KATNAL2: variants seen among roughly 807,000 people sequenced by gnomAD.
The protein encoded by KATNAL2 is katanin p60 ATPase-containing subunit A-like 2.
A neutral mutation model predicts 76.3 loss-of-function variants in KATNAL2; 52 were observed. The ratio of observed to expected loss-of-function variants is 0.68; its 90% CI spans 0.55 to 0.86. KATNAL2 has a LOEUF of 0.86. KATNAL2 is among the 40% of genes least tolerant of loss of function. The probability of loss-of-function intolerance (pLI) is 0.00; values close to 1 mark genes in which losing one functional copy is unlikely to be tolerated. For synonymous variants in KATNAL2, 243 were observed against 244.2 expected, an observed-to-expected ratio of 1.00 and a Z score of 0.05; for missense variants, 660 against 668.9, an observed-to-expected ratio of 0.99 and a Z score of 0.15.
At chr18:46,927,287 C>CA (rs1247260500) in intron 1 of KATNAL2, among the ~76,000 whole-genome samples, 1 of 152,080 alleles carries the variant, frequency 6.6e-6, no homozygotes, top group Non-Finnish European at 1.5e-5. Flanking sequence ...CTCGTGGTGA[C>CA]AAAATCTCTC....
chr18:47,062,746 A>T (rs540043926), intron 8 of KATNAL2, among the ~76,000 whole-genome samples: 33 of 152,370 alleles, frequency 2.2e-4, no homozygotes, highest in Non-Finnish European at 4.1e-4. Flanking sequence ...ATGAATTTTT[A>T]TTCAAATCCA....
intron 3 of KATNAL2, among the ~76,000 whole-genome samples, chr18:46,952,393 G>GTTTTTTTTTT (rs35596537): frequency 4.7e-5 from 3 of 64,408 alleles, no homozygotes; most frequent in Admixed American, 2.6e-4. Flanking sequence ...CTGCAGGTAT[G>GTTTTTTTTTT]TTTTTTTTTT....
chr18:46,941,434 C>T (rs924361320), intron 1 of KATNAL2, among the ~76,000 whole-genome samples: 8 of 152,024 alleles, frequency 5.3e-5, no homozygotes, highest in Admixed American at 5.2e-4. Context: ...AATTGGTTTT[C>T]TCCAACTAAA....
At chr18:47,033,192 G>A in intron 3 of KATNAL2, 3 of 1,614,082 alleles carry the variant, frequency 1.9e-6, no homozygotes, top group Non-Finnish European at 2.5e-6. Flanking sequence ...TGCCACCGCC[G>A]CTGCTGCTCT....
At chr18:47,046,289 A>G in intron 3 of KATNAL2, 168 bp from the exon 4 acceptor site, 1 of 582,472 alleles carries the variant, frequency 1.7e-6, no homozygotes, top group East Asian at 2.8e-5. Context: ...TGAGAAGAAA[A>G]TAACAATGGA....
At chr18:47,087,552 G>T (rs1250179186) in intron 15 of KATNAL2, among the ~76,000 whole-genome samples, 2 of 152,146 alleles carry the variant, frequency 1.3e-5, no homozygotes, top group African/African-American at 4.8e-5. Flanking sequence ...CTTGAGGGTG[G>T]AGGGTGGGAG....
chr18:46,938,156 A>G (rs2059146438), intron 1 of KATNAL2, among the ~76,000 whole-genome samples: 1 of 152,196 alleles, frequency 6.6e-6, no homozygotes, highest in Non-Finnish European at 1.5e-5. Flanking sequence ...AGCTACATAT[A>G]AAAACATGGG....
intron 1 of KATNAL2, among the ~76,000 whole-genome samples, chr18:46,938,524 A>T (rs1158970812): frequency 6.6e-6 from 1 of 152,212 alleles, no homozygotes; most frequent in Non-Finnish European, 1.5e-5. Flanking sequence ...AAGATATTTT[A>T]TAACAAAATA....
At chr18:46,937,929 T>G (rs2059140127) in intron 1 of KATNAL2, among the ~76,000 whole-genome samples, 1 of 151,768 alleles carries the variant, frequency 6.6e-6, no homozygotes, top group Admixed American at 6.6e-5. Flanking sequence ...CATAGGGAGA[T>G]CTCCCTTCAT....
chr18:47,059,067 A>G (rs2061553051), intron 7 of KATNAL2, among the ~76,000 whole-genome samples: 1 of 152,324 alleles, frequency 6.6e-6, no homozygotes, highest in East Asian at 1.9e-4. Context: ...TATAATCACA[A>G]TATCCGATTG....
At chr18:47,066,848 TATATATATA>T (rs1468977073) in intron 10 of KATNAL2, among the ~76,000 whole-genome samples, 164 bp from the exon 11 acceptor site, 420 of 14,894 alleles carry the variant, frequency 0.028, 21 homozygotes, top group African/African-American at 0.063. Flanking sequence ...TATATGTGTT[TATATATATA>T]TATATATATA....
intron 3 of KATNAL2, among the ~76,000 whole-genome samples, chr18:46,947,849 G>A (rs998626363): frequency 6.6e-6 from 1 of 152,116 alleles, no homozygotes; most frequent in Non-Finnish European, 1.5e-5. Flanking sequence ...CCATCTTCTA[G>A]AAAAGGTTGG....
chr18:47,097,137 A>G (rs1297509112), intron 15 of KATNAL2, among the ~76,000 whole-genome samples: 2 of 151,890 alleles, frequency 1.3e-5, no homozygotes, highest in Non-Finnish European at 2.9e-5. Flanking sequence ...AAAAAAAAAA[A>G]AAATCCAACT....
chr18:47,066,200 AC>A (rs2147173459), intron 10 of KATNAL2, among the ~76,000 whole-genome samples: 1 of 152,122 alleles, frequency 6.6e-6, no homozygotes, highest in South Asian at 2.1e-4. Context: ...ACTCAGAATG[AC>A]TTTGGAAAGA....
chr18:46,947,588 G>C (rs2059420358), intron 3 of KATNAL2, among the ~76,000 whole-genome samples: 1 of 151,814 alleles, frequency 6.6e-6, no homozygotes. Flanking sequence ...GGGGGCGGGG[G>C]GAAGGAAAAA....
At position 47,075,368 on chromosome 18, in the gene KATNAL2, G is replaced by A. The variant is rs1020218084; in HGVS notation, c.1100G>A (p.Gly367Glu). ...ATGAGTCAGAGAGGCACAGCTTCTG[G>A]GTAACAGACAGGGTTGGGGTTTTTG... is the stretch of plus-strand genomic sequence containing the variant. ...SVMSQRGTAS[G>E]GEHEGSLRMK... The change falls in exon 14 of 18, where the codon GGG becomes GAG. Residue 367 changes from glycine (G) to glutamate (E), a missense_variant and splice_region_variant. By Grantham distance (98) the Gly-to-Glu change is moderately conservative (BLOSUM62 -2). Transcript: ENST00000683218. 4 of 1,524,468 alleles carry A rather than the reference G, an allele frequency of 2.6e-6. No homozygotes were observed. The allele number at this position is 1,524,468 out of a possible 1,614,324, so 94.4% of individuals were successfully genotyped here.
In KATNAL2 at chr18:47,044,761, C is replaced by CA. The variant is rs34331798; in HGVS notation, c.52-1686dup. 9.1e-3 allele frequency among the ~76,000 whole-genome samples: 747 copies of CA among 82,540 alleles called. 13 individuals are homozygous for CA. The highest frequency in any genetic ancestry group is 0.025 in the African/African-American group (553 of 21,906). 54.1% of individuals were successfully genotyped at this position (82,540 alleles called of 152,430 possible). Reference sequence around the variant, plus strand: ...GGGCAACAAGAGCAAGATTCCTTCTCAAAAAAAAAACAAAAACAAAAACAA... The same window carrying CA: ...GGGCAACAAGAGCAAGATTCCTTCTCAAAAAAAAAAACAAAAACAAAAACAA... On this transcript the variant is annotated intron_variant, in intron 3 of 17. Coordinates refer to ENST00000683218, the MANE Select transcript of KATNAL2 (RefSeq NM_001387690.1).
At chr18:47,070,295 T>C (rs2061954872) in intron 13 of KATNAL2, among the ~76,000 whole-genome samples, 1 of 152,044 alleles carries the variant, frequency 6.6e-6, no homozygotes, top group African/African-American at 2.4e-5. Flanking sequence ...AAAAAAGGGT[T>C]TCATCATGTT....
chr18:46,952,407 T>TG (rs1569011307), intron 3 of KATNAL2, among the ~76,000 whole-genome samples: 1 of 141,154 alleles, frequency 7.1e-6, no homozygotes, highest in African/African-American at 2.7e-5. Context: ...TTTTTTTTTT[T>TG]TTTTTTTTTT....
Sources: gnomAD v4.1 joint callset for allele counts (sites outside exome capture counted in the v4.1 genomes callset) on GRCh38, gnomAD v4.1.1 for gene constraint, MANE v1.5 for transcripts, NCBI Gene and HGNC (gene_info 2026-07-23, HGNC 2026-07-21) for gene names.